The following SPAG9 variants were observed in gnomAD, a reference collection of about 807,000 sequenced individuals.
SPAG9 encodes sperm associated antigen 9, also known as C-Jun-amino-terminal kinase-interacting protein 4.
A neutral mutation model predicts 166.5 loss-of-function variants in SPAG9; 35 were observed. That is an observed-to-expected ratio of 0.21 (90% CI 0.16 to 0.28). The LOEUF (loss-of-function observed/expected upper bound fraction) is 0.28, where lower values mean the gene tolerates loss of function less well. Among genes scored for constraint, SPAG9 ranks in the 10% least tolerant of loss-of-function variants. The pLI is 1.00. For synonymous variants in SPAG9, 534 were observed against 565.5 expected, an observed-to-expected ratio of 0.94 and a Z score of 0.79; for missense variants, 1,235 against 1,603.3, an observed-to-expected ratio of 0.77 and a Z score of 3.92.
intron 25 of SPAG9, among the ~76,000 whole-genome samples, chr17:50,980,854 TAGTC>T (rs909636789): frequency 1.3e-5 from 2 of 151,914 alleles, no homozygotes; most frequent in Non-Finnish European, 2.9e-5. Flanking sequence ...AAAGAAAAAT[TAGTC>T]AGGTATAATG....
At position 50,998,566 on chromosome 17, in the gene SPAG9, T is replaced by G. The variant is rs1385153777; in HGVS notation, c.1716A>C (p.Pro572=). 1 of 1,614,142 alleles carries G rather than the reference T, an allele frequency of 6.2e-7. No homozygotes were observed. Among genetic ancestry groups the G allele is most frequent in the Non-Finnish European group, 8.5e-7 (1 of 1,180,006 alleles). ...SSSNTTKKPE[P]PVNLKYNAPT... ...GTGCATTGTACTTCAGATTAACAGG[T>G]GGTTCAGGCTTCTTAGTCGTGTTAC... The change falls in exon 15 of 30, where the codon CCA becomes CCC. Residue 572 remains proline, a synonymous_variant. Transcript: ENST00000262013.
rs1033263536 is a variant in SPAG9, at chr17:51,120,039, A to G, written c.303+315T>C. Among the ~76,000 whole-genome samples, 1 of 152,150 alleles carries G rather than the reference A, an allele frequency of 6.6e-6. No individual in the cohort carries two copies. The highest frequency in any genetic ancestry group is 1.5e-5 in the Non-Finnish European group (1 of 68,028). ...GTGGTCGGAAACTTCCCTCAACAAG[A>G]AGCAACCAGACACCCAACAATCTCC... On this transcript the variant is annotated intron_variant, in intron 1 of 29. Transcript: ENST00000262013. The surrounding 1 kb of genome is among the most constrained non-coding windows in gnomAD (Gnocchi z 4.7).
chr17:51,113,783 G>C (rs1029976343), intron 1 of SPAG9, among the ~76,000 whole-genome samples: 2 of 151,878 alleles, frequency 1.3e-5, no homozygotes, highest in Non-Finnish European at 2.9e-5. Context: ...GAATGTCTGA[G>C]CCCAAATATT....
chr17:51,114,739 G>A (rs1196497211), intron 1 of SPAG9, among the ~76,000 whole-genome samples: 3 of 152,162 alleles, frequency 2.0e-5, no homozygotes, highest in Non-Finnish European at 2.9e-5. Flanking sequence ...ATCACTTGAG[G>A]TCAGGAGTTT....
At chr17:51,029,698 G>A (rs553534872) in intron 6 of SPAG9, among the ~76,000 whole-genome samples, 4 of 152,062 alleles carry the variant, frequency 2.6e-5, no homozygotes, top group Admixed American at 2.0e-4. Context: ...ATTTATGTGC[G>A]GTATTTAATA....
At chr17:51,072,041 T>G (rs1230974526) in intron 2 of SPAG9, among the ~76,000 whole-genome samples, 1 of 152,142 alleles carries the variant, frequency 6.6e-6, no homozygotes, top group Non-Finnish European at 1.5e-5. Context: ...AAATTAAATG[T>G]TGGGTTACAT....
At chr17:50,995,556 T>A in intron 16 of SPAG9, 23 bp from the exon 17 acceptor site, 1 of 1,434,414 alleles carries the variant, frequency 7.0e-7, no homozygotes, top group South Asian at 1.1e-5. Flanking sequence ...GAAGGAGGAG[T>A]GAAAAAGGCA....
chr17:51,083,798 T>G (rs375970341), intron 1 of SPAG9, among the ~76,000 whole-genome samples: 4 of 152,006 alleles, frequency 2.6e-5, no homozygotes, highest in African/African-American at 9.7e-5. Context: ...AAGACCAATT[T>G]GGAAATTTGA....
At chr17:51,078,090 C>T (rs2048066509) in intron 2 of SPAG9, among the ~76,000 whole-genome samples, 1 of 152,152 alleles carries the variant, frequency 6.6e-6, no homozygotes, top group Admixed American at 6.5e-5. Context: ...CCATCATACC[C>T]AGCAAACCTC....
At chr17:51,102,348 G>A (rs2048829721) in intron 1 of SPAG9, among the ~76,000 whole-genome samples, 2 of 150,398 alleles carry the variant, frequency 1.3e-5, no homozygotes, top group East Asian at 3.9e-4. Flanking sequence ...AGGTTACAGT[G>A]AGCCAAGATC....
chr17:50,965,716 T>C lies in SPAG9; in HGVS notation c.*556A>G, dbSNP rs1202629386. ...AATCTGATGAAAACAAAGTTTTATA[T>C]ACCATATAAACAAGATTTGTCAGAT... On this transcript the variant is annotated 3_prime_UTR_variant, in exon 30 of 30. Coordinates refer to ENST00000262013, the MANE Select transcript of SPAG9 (RefSeq NM_001130528.3). 2 of 152,712 alleles carry C rather than the reference T, an allele frequency of 1.3e-5. No homozygotes were observed. The highest frequency in any genetic ancestry group is 6.5e-5 in the Admixed American group (1 of 15,372). The allele number at this position is 152,712 out of a possible 1,614,324, so 9.5% of individuals were successfully genotyped here.
intron 2 of SPAG9, among the ~76,000 whole-genome samples, chr17:51,065,365 C>T (rs888271113): frequency 1.3e-5 from 2 of 152,034 alleles, no homozygotes; most frequent in African/African-American, 4.8e-5. Context: ...TCATTTGAAA[C>T]CTATCCCTTA....
chr17:51,028,082 T>TAAA (rs1568017343), intron 6 of SPAG9, among the ~76,000 whole-genome samples: 12 of 147,622 alleles, frequency 8.1e-5, no homozygotes, highest in African/African-American at 2.9e-4. Flanking sequence ...AAAAAAAAAT[T>TAAA]TTTTTTAAAT....
At chr17:51,076,605 G>A (rs1242837046) in intron 2 of SPAG9, among the ~76,000 whole-genome samples, 1 of 151,748 alleles carries the variant, frequency 6.6e-6, no homozygotes. Flanking sequence ...GCATGGTGGT[G>A]CATGCCTGTA....
chr17:51,077,105 G>GCTATCTAGCTATCTAGCTAGCTAT (rs1568065895), intron 2 of SPAG9, among the ~76,000 whole-genome samples: 18 of 125,522 alleles, frequency 1.4e-4, no homozygotes, highest in Non-Finnish European at 2.4e-4. Context: ...TATCTAGCTA[G>GCTATCTAGCTATCTAGCTAGCTAT]CTATCTAGCT....
At chr17:51,012,204 C>T in intron 9 of SPAG9, among the ~76,000 whole-genome samples, 1 of 152,070 alleles carries the variant, frequency 6.6e-6, no homozygotes, top group South Asian at 2.1e-4. Context: ...TTAAAAGAAA[C>T]TTTTCAGGTA....
intron 1 of SPAG9, among the ~76,000 whole-genome samples, chr17:51,096,653 GT>G (rs1463793304): frequency 6.6e-6 from 1 of 152,048 alleles, no homozygotes; most frequent in African/African-American, 2.4e-5. Context: ...ATATAATGTG[GT>G]AATGAAGAAT....
chr17:51,111,751 C>T (rs1272215032), intron 1 of SPAG9, among the ~76,000 whole-genome samples: 13 of 152,036 alleles, frequency 8.6e-5, no homozygotes, highest in Admixed American at 7.9e-4. Context: ...TACAGGCGTC[C>T]GCCACCATGC....
Position 51,120,468 on chromosome 17 carries a change from C to T in SPAG9, c.189G>A (p.Ser63=), listed in dbSNP as rs1568106696. The T allele has an allele frequency of 6.2e-7, 1 of 1,613,990 alleles. No homozygotes were observed. The highest frequency in any genetic ancestry group is 8.5e-7 in the Non-Finnish European group (1 of 1,179,910). Residue 63 remains serine, a synonymous_variant, in exon 1 of 30, where the codon TCG becomes TCA. Transcript: ENST00000262013. This position sits in a 1 kb window ranked among gnomAD's most constrained non-coding sequence, Gnocchi z 4.7. ...LVVAVLENLD[S]VFAQDQEHQV... is the part of the protein sequence containing the mutation. ...GGTGCTCCTGGTCCTGCGCGAACACCGAGTCCAGGTTCTCCAGCACAGCCA... is the reference window on the plus strand; with the variant it reads ...GGTGCTCCTGGTCCTGCGCGAACACTGAGTCCAGGTTCTCCAGCACAGCCA...
Sources: allele counts gnomAD v4.1 joint callset (sites outside exome capture counted in the v4.1 genomes callset), GRCh38; gene constraint gnomAD v4.1.1; non-coding constraint Gnocchi (gnomAD v3.1); transcripts MANE v1.5; gene names NCBI Gene and HGNC (gene_info 2026-07-23, HGNC 2026-07-21).